POU6F2: variants seen among roughly 807,000 people sequenced by gnomAD.
POU6F2 encodes POU class 6 homeobox 2.
Under a neutral mutation model 71.3 loss-of-function variants are expected in POU6F2, and 31 were observed. The observed-to-expected ratio is 0.43, with a 90% CI of 0.33 to 0.59. The LOEUF (loss-of-function observed/expected upper bound fraction) is 0.59. POU6F2 is among the 20% of genes least tolerant of loss of function. The pLI is 0.04. For missense variants in POU6F2, 783 were observed against 856.8 expected (o/e 0.91, Z 1.07); for synonymous variants, 347 against 355.7 (o/e 0.98, Z 0.27).
chr7:39,205,425 G>A (rs975756762), intron 3 of POU6F2, among the ~76,000 whole-genome samples: 2 of 152,058 alleles, frequency 1.3e-5, no homozygotes, highest in African/African-American at 4.8e-5. Context: ...GGTCAGTGAG[G>A]AGTGGTGGCC....
chr7:39,041,675 A>G (rs1191287858), intron 1 of POU6F2, among the ~76,000 whole-genome samples: 2 of 151,758 alleles, frequency 1.3e-5, no homozygotes, highest in African/African-American at 4.8e-5. Flanking sequence ...TTCTTCCAAT[A>G]TATTCTTTTT....
At chr7:39,347,628 CTAT>C (rs5883686) in intron 5 of POU6F2, among the ~76,000 whole-genome samples, 71,486 of 134,148 alleles carry the variant, frequency 0.53, 20,483 homozygotes, top group East Asian at 0.74. Flanking sequence ...ATTATTATTA[CTAT>C]TATTATTATT....
chr7:39,173,657 A>G (rs1793270529), intron 2 of POU6F2, among the ~76,000 whole-genome samples: 1 of 152,250 alleles, frequency 6.6e-6, no homozygotes, highest in African/African-American at 2.4e-5. Context: ...CATTTCACCC[A>G]TAGCCTAGAT....
chr7:39,138,012 G>C (rs1562719842), intron 2 of POU6F2, among the ~76,000 whole-genome samples: 1 of 152,130 alleles, frequency 6.6e-6, no homozygotes, highest in Non-Finnish European at 1.5e-5. Context: ...ACAGGAATTG[G>C]GGGTCTGTAA....
chr7:39,051,938 C>G (rs1790408154), intron 1 of POU6F2, among the ~76,000 whole-genome samples: 2 of 152,066 alleles, frequency 1.3e-5, no homozygotes, highest in African/African-American at 4.8e-5. Flanking sequence ...TGTAAAGTAA[C>G]TATACTTACC....
intron 1 of POU6F2, among the ~76,000 whole-genome samples, chr7:39,023,651 G>T (rs1226294559): frequency 6.6e-6 from 1 of 152,038 alleles, no homozygotes; most frequent in Non-Finnish European, 1.5e-5. Context: ...TTTTCTTGTT[G>T]AAGTGTTCTT....
Position 39,406,679 on chromosome 7 carries a change from G to T in POU6F2, c.1052G>T (p.Gly351Val). The T allele has an allele frequency of 6.2e-7, 1 of 1,613,772 alleles. No homozygotes were observed. Among genetic ancestry groups the T allele is most frequent in the Non-Finnish European group, 8.5e-7 (1 of 1,179,866 alleles). Residue 351 changes from glycine to valine, a missense_variant, in exon 6 of 10, where the codon GGC (glycine) becomes GTC (valine). Physicochemically the swap from Gly to Val is moderately radical, Grantham distance 109. This residue lies in a region of POU6F2 where 572 missense variants were observed against 572.9 expected (regional missense o/e 1.00). Transcript: ENST00000518318. ...TCCATAGCAAGCTCACAGGCCTTTG[G>T]CAATGCCCTCTCCAGTCTTCAGGGG... is the stretch of plus-strand genomic sequence containing the variant. ...MSSIASSQAF[G>V]NALSSLQGVT...
intron 5 of POU6F2, among the ~76,000 whole-genome samples, chr7:39,361,383 T>C (rs1786385373): frequency 6.6e-6 from 1 of 152,240 alleles, no homozygotes; most frequent in Non-Finnish European, 1.5e-5. Flanking sequence ...TTTTTTAACC[T>C]TCAGAAACAC....
At chr7:39,042,345 A>G (rs1454045554) in intron 1 of POU6F2, among the ~76,000 whole-genome samples, 2 of 151,962 alleles carry the variant, frequency 1.3e-5, no homozygotes, top group Non-Finnish European at 2.9e-5. Context: ...GTTAAGAGGA[A>G]CCACTGAATG....
rs546984060 is a variant in POU6F2 at position 39,340,035 on chromosome 7, C to T, written c.972+20C>T. 39 of 1,582,812 alleles carry T rather than the reference C, an allele frequency of 2.5e-5. No individual in the cohort carries two copies. Among genetic ancestry groups the T allele is most frequent in the African/African-American group, 1.9e-4 (14 of 74,534 alleles). ...CTACAGGTATGCTCCCCGTGCTTCCCGTCTGCCCCTAGGAGCACCAAGGAC... is the reference window on the plus strand; with the variant it reads ...CTACAGGTATGCTCCCCGTGCTTCCTGTCTGCCCCTAGGAGCACCAAGGAC... On this transcript the variant is annotated intron_variant, in intron 5 of 9. Coordinates refer to ENST00000518318, the MANE Select transcript of POU6F2 (RefSeq NM_001370959.1).
At position 39,460,366 on chromosome 7, in the gene POU6F2, G is replaced by A. The variant is rs1788916042; in HGVS notation, c.1490-181G>A. Reference sequence around the variant, plus strand: ...ATCTCGAAGGATGATTTGTGGAGGTGTAATGAGTTGCGGATGGAGTGTTGG... The same window carrying A: ...ATCTCGAAGGATGATTTGTGGAGGTATAATGAGTTGCGGATGGAGTGTTGG... On this transcript the variant is annotated intron_variant, in intron 8 of 9. Coordinates refer to ENST00000518318, the MANE Select transcript of POU6F2 (RefSeq NM_001370959.1). This position sits in a 1 kb window ranked among gnomAD's most constrained non-coding sequence, Gnocchi z 4.4. 6.6e-6 allele frequency among the ~76,000 whole-genome samples: 1 copy of A among 152,196 alleles called. No individual in the cohort carries two copies. The highest frequency in any genetic ancestry group is 1.9e-4 in the East Asian group (1 of 5,190).
intron 4 of POU6F2, among the ~76,000 whole-genome samples, chr7:39,327,783 C>T (rs1261850323): frequency 2.7e-5 from 4 of 150,700 alleles, no homozygotes; most frequent in African/African-American, 9.8e-5. Context: ...ACAGTGACAC[C>T]TTCAGGTTAT....
At chr7:39,396,051 T>C (rs1035369433) in intron 5 of POU6F2, among the ~76,000 whole-genome samples, 8 of 151,988 alleles carry the variant, frequency 5.3e-5, no homozygotes, top group Non-Finnish European at 8.8e-5. Context: ...AGTAAGAAAA[T>C]AGCATGAAAC....
intron 4 of POU6F2, among the ~76,000 whole-genome samples, chr7:39,325,700 A>T (rs78833939): frequency 0.031 from 4,741 of 152,262 alleles, 162 homozygotes; most frequent in African/African-American, 0.082. Flanking sequence ...GCACTGGCCC[A>T]TGTGTCTATA....
chr7:39,062,356 G>C (rs78030124), intron 1 of POU6F2, among the ~76,000 whole-genome samples: 3 of 151,838 alleles, frequency 2.0e-5, no homozygotes, highest in Non-Finnish European at 2.9e-5. Context: ...GAGAACTGTC[G>C]AATGAGAAAA....
intron 2 of POU6F2, among the ~76,000 whole-genome samples, chr7:39,201,594 G>A (rs1156656913): frequency 6.6e-6 from 1 of 152,226 alleles, no homozygotes; most frequent in Admixed American, 6.5e-5. Flanking sequence ...AGCATAGGCT[G>A]CTAACTTCAG....
intron 4 of POU6F2, among the ~76,000 whole-genome samples, chr7:39,221,288 C>T (rs911820300): frequency 2.0e-5 from 3 of 151,418 alleles, no homozygotes; most frequent in African/African-American, 7.3e-5. Flanking sequence ...TTAGAGACAA[C>T]ACATTTTGTA....
intron 2 of POU6F2, among the ~76,000 whole-genome samples, chr7:39,106,674 T>A (rs1791695005): frequency 6.6e-6 from 1 of 152,246 alleles, no homozygotes; most frequent in African/African-American, 2.4e-5. Flanking sequence ...TATTTTTTCA[T>A]CTTTAATCAT....
intron 2 of POU6F2, among the ~76,000 whole-genome samples, chr7:39,188,578 G>C (rs963271950): frequency 6.6e-6 from 1 of 152,156 alleles, no homozygotes; most frequent in Non-Finnish European, 1.5e-5. Context: ...CCCCCAAAGT[G>C]CTGGGAGTAC....
Sources: allele counts gnomAD v4.1 joint callset (sites outside exome capture counted in the v4.1 genomes callset), GRCh38; gene constraint gnomAD v4.1.1; regional missense constraint gnomAD v4.1.1; non-coding constraint Gnocchi (gnomAD v3.1); transcripts MANE v1.5; gene names NCBI Gene and HGNC (gene_info 2026-07-23, HGNC 2026-07-21).